The following SNTG2 variants were observed in gnomAD, a reference collection of about 807,000 sequenced individuals.
SNTG2 encodes gamma-2-syntrophin.
A neutral mutation model predicts 70.9 loss-of-function variants in SNTG2; 74 were observed. The observed-to-expected ratio is 1.04, with a 90% CI of 0.86 to 1.27. The LOEUF (loss-of-function observed/expected upper bound fraction) is 1.27. Ranked by LOEUF, SNTG2 falls within the 50% of genes most tolerant of loss-of-function variation. The probability of loss-of-function intolerance (pLI) is 0.00; values close to 1 mark genes in which losing one functional copy is unlikely to be tolerated. For synonymous variants in SNTG2, 278 were observed against 273.8 expected (o/e 1.02, Z -0.15); for missense variants, 717 against 690.7 (o/e 1.04, Z -0.43).
intron 13 of SNTG2, among the ~76,000 whole-genome samples, chr2:1,264,621 T>C (rs1187488668): frequency 1.3e-5 from 2 of 152,246 alleles, no homozygotes; most frequent in Non-Finnish European, 2.9e-5. Flanking sequence ...CATAAACAGA[T>C]GATGTAAACT....
chr2:1,027,532 A>G (rs940613655), intron 1 of SNTG2, among the ~76,000 whole-genome samples: 8 of 151,182 alleles, frequency 5.3e-5, no homozygotes, highest in Non-Finnish European at 1.2e-4. Flanking sequence ...GTCACTATCC[A>G]GCAAGTAACT....
intron 1 of SNTG2, among the ~76,000 whole-genome samples, chr2:1,045,446 T>C (rs1047318389): frequency 3.9e-5 from 6 of 152,138 alleles, no homozygotes; most frequent in Non-Finnish European, 8.8e-5. Context: ...TGCTCTTTCT[T>C]TTTTTCTTTT....
intron 1 of SNTG2, among the ~76,000 whole-genome samples, chr2:1,080,797 G>A (rs1664238986): frequency 6.6e-6 from 1 of 152,120 alleles, no homozygotes; most frequent in Non-Finnish European, 1.5e-5. Context: ...GTTGGAAGAG[G>A]CATGGCTGCT....
rs758862576 is a variant in SNTG2, at chr2:1,097,259, C to T, written c.211-937C>T. 5.9e-5 allele frequency among the ~76,000 whole-genome samples: 9 copies of T among 152,202 alleles called. No homozygotes were observed. Among genetic ancestry groups the T allele is most frequent in the African/African-American group, 1.7e-4 (7 of 41,454 alleles). The stretch of plus-strand genomic sequence containing the variant: ...CTGCATCTGCACCTGCACCGCTGGC[C>T]GGGGCGGGAGCTCCCAGGTCCCCCC... On this transcript the variant is annotated intron_variant, in intron 2 of 16. Transcript: ENST00000308624. The surrounding 1 kb of genome is among the most constrained non-coding windows in gnomAD (Gnocchi z 4.1).
chr2:1,179,409 T>C (rs1012518467), intron 8 of SNTG2, among the ~76,000 whole-genome samples: 5 of 152,136 alleles, frequency 3.3e-5, no homozygotes, highest in African/African-American at 1.2e-4. Flanking sequence ...ACAAGCATTC[T>C]TATACACCAA....
At chr2:962,189 C>T (rs1300946039) in intron 1 of SNTG2, among the ~76,000 whole-genome samples, 2 of 152,176 alleles carry the variant, frequency 1.3e-5, no homozygotes, top group African/African-American at 4.8e-5. Flanking sequence ...TGCCCCTGCC[C>T]CAGCCTCCCG....
At chr2:989,920 A>G (rs1384625587) in intron 1 of SNTG2, among the ~76,000 whole-genome samples, 1 of 152,232 alleles carries the variant, frequency 6.6e-6, no homozygotes, top group East Asian at 1.9e-4. Context: ...TTTACTGCAT[A>G]GAGAAAGGAA....
chr2:1,360,325 C>T (rs905623035), intron 16 of SNTG2, among the ~76,000 whole-genome samples: 4 of 152,184 alleles, frequency 2.6e-5, no homozygotes, highest in Non-Finnish European at 5.9e-5. Context: ...GCTCCAGCCA[C>T]CGCAGCTTTG....
At chr2:1,195,098 G>A (rs1363193283) in intron 8 of SNTG2, among the ~76,000 whole-genome samples, 1 of 152,172 alleles carries the variant, frequency 6.6e-6, no homozygotes, top group Non-Finnish European at 1.5e-5. Flanking sequence ...TGGTATATAT[G>A]TGGCACATTT....
In SNTG2 at chr2:1,203,264, C is replaced by T. The variant is rs142170177; in HGVS notation, c.592-5839C>T. Among the ~76,000 whole-genome samples, 29 of 152,264 alleles carry T rather than the reference C, an allele frequency of 1.9e-4. No individual in the cohort carries two copies. In the East Asian group the frequency reaches 5.6e-3, roughly 29 times the overall value. ...ATAAATAATATGTACACTTTTCTAA[C>T]TCTTTCAGGAAATAGAGGAGGTTGA... On this transcript the variant is annotated intron_variant, in intron 8 of 16. Transcript: ENST00000308624.
intron 8 of SNTG2, among the ~76,000 whole-genome samples, chr2:1,190,495 C>CAA (rs1672516446): frequency 1.1e-5 from 1 of 90,802 alleles, no homozygotes; most frequent in African/African-American, 4.7e-5. Context: ...GGAGGGCTGA[C>CAA]TATATATATA....
intron 9 of SNTG2, among the ~76,000 whole-genome samples, chr2:1,210,884 A>ATGTGT (rs1673995671): frequency 6.6e-6 from 1 of 152,202 alleles, no homozygotes; most frequent in Non-Finnish European, 1.5e-5. Flanking sequence ...AGGCTATACC[A>ATGTGT]TGTAGCCTAG....
chr2:1,180,961 C>T (rs961818576), intron 8 of SNTG2, among the ~76,000 whole-genome samples: 6 of 152,018 alleles, frequency 3.9e-5, no homozygotes, highest in African/African-American at 7.3e-5. Context: ...AGCAAACCAT[C>T]GCAAGGACAA....
chr2:996,680 T>TTTTTTTTTTTTTTTTTTTG, intron 1 of SNTG2, among the ~76,000 whole-genome samples: 2 of 60,762 alleles, frequency 3.3e-5, no homozygotes, highest in Admixed American at 2.5e-4. Flanking sequence ...CCAGTTTTTT[T>TTTTTTTTTTTTTTTTTTTG]TTTTTTTTTT....
intron 1 of SNTG2, among the ~76,000 whole-genome samples, chr2:1,082,546 G>C (rs949129479): frequency 1.3e-5 from 2 of 152,220 alleles, no homozygotes; most frequent in African/African-American, 4.8e-5. Flanking sequence ...TCTAGGCAGA[G>C]AGGATGGTGG....
rs956640069 is a variant in SNTG2, at chr2:1,083,526, C to T, written c.81C>T (p.Thr27=). The T allele has an allele frequency of 1.2e-6, 2 of 1,613,578 alleles. No homozygotes were observed. Among genetic ancestry groups the T allele is most frequent in the African/African-American group, 2.7e-5 (2 of 75,002 alleles). ...CCACTTTGTCCCTACAGACGAAAAC[C>T]ACTATTGCTCTGTTGTATGATGAAG... is the stretch of plus-strand genomic sequence containing the variant. The part of the protein sequence containing the change: ...GCLLVPARTK[T]TIALLYDEES... Residue 27 remains threonine, a synonymous_variant, in exon 2 of 17, where the codon ACC becomes ACT. Transcript: ENST00000308624.
chr2:1,148,671 A>G (rs1259447654), intron 6 of SNTG2, among the ~76,000 whole-genome samples: 1 of 152,204 alleles, frequency 6.6e-6, no homozygotes, highest in African/African-American at 2.4e-5. Flanking sequence ...TTGTGTGATC[A>G]CCCAGATGAT....
At chr2:1,220,389 C>A (rs377203878) in intron 9 of SNTG2, among the ~76,000 whole-genome samples, 1 of 152,336 alleles carries the variant, frequency 6.6e-6, no homozygotes, top group African/African-American at 2.4e-5. Context: ...AGCAGCAGCC[C>A]CTCCCTCAGG....
chr2:1,091,199 G>A (rs1427319358), intron 2 of SNTG2, among the ~76,000 whole-genome samples: 2 of 152,168 alleles, frequency 1.3e-5, no homozygotes, highest in East Asian at 1.9e-4. Flanking sequence ...TGTGGAGCTG[G>A]CAGGTGAGAG....
Sources: allele counts gnomAD v4.1 joint callset (sites outside exome capture counted in the v4.1 genomes callset), GRCh38; gene constraint gnomAD v4.1.1; non-coding constraint Gnocchi (gnomAD v3.1); transcripts MANE v1.5; gene names NCBI Gene and HGNC (gene_info 2026-07-23, HGNC 2026-07-21).